Variants in CTNND2 observed in about 807,000 individuals in gnomAD.
CTNND2 encodes catenin delta-2.
CTNND2 carries 22 observed loss-of-function variants against 144.4 expected under a neutral mutation model. That is an observed-to-expected ratio of 0.15 (90% CI 0.11 to 0.22). The LOEUF (loss-of-function observed/expected upper bound fraction) is 0.22. CTNND2 is among the 10% of genes least tolerant of loss of function. The pLI, the probability that CTNND2 is intolerant of heterozygous loss-of-function variation, is 1.00. For missense variants in CTNND2, 1,353 were observed against 1,618.8 expected, an observed-to-expected ratio of 0.84 and a Z score of 2.82; for synonymous variants, 751 against 695.6, an observed-to-expected ratio of 1.08 and a Z score of -1.25.
intron 18 of CTNND2, among the ~76,000 whole-genome samples, chr5:10,996,457 C>G (rs1320884988): frequency 1.5e-5 from 1 of 66,110 alleles, no homozygotes; most frequent in African/African-American, 6.2e-5. Flanking sequence ...TGTTCCACCT[C>G]CAGGGTGGGA....
intron 6 of CTNND2, among the ~76,000 whole-genome samples, chr5:11,389,640 T>C (rs985831857): frequency 9.2e-5 from 14 of 152,178 alleles, no homozygotes; most frequent in African/African-American, 2.9e-4. Flanking sequence ...AATATGTACA[T>C]TATTCCAACA....
At chr5:10,985,972 GAT>G (rs1579952679) in intron 20 of CTNND2, among the ~76,000 whole-genome samples, 1 of 152,096 alleles carries the variant, frequency 6.6e-6, no homozygotes, top group Non-Finnish European at 1.5e-5. Flanking sequence ...TCATTGTTGT[GAT>G]AATAACAATC....
intron 1 of CTNND2, among the ~76,000 whole-genome samples, chr5:11,891,531 C>T (rs7449045): frequency 0.99 from 149,975 of 152,236 alleles, 73,917 homozygotes; most frequent in Middle Eastern, 1. Context: ...AAATGGGACC[C>T]CCGGAAGGTA....
At chr5:11,396,376 A>G (rs1240785295) in intron 6 of CTNND2, among the ~76,000 whole-genome samples, 2 of 147,114 alleles carry the variant, frequency 1.4e-5, no homozygotes, top group Non-Finnish European at 3.0e-5. Flanking sequence ...ATCTTTCTTG[A>G]AAAAAAAAAA....
chr5:11,283,706 A>AAAAG (rs1747419097), intron 9 of CTNND2, among the ~76,000 whole-genome samples: 1 of 124,674 alleles, frequency 8.0e-6, no homozygotes, highest in Non-Finnish European at 1.7e-5. Flanking sequence ...AAAAAAAAAA[A>AAAAG]GAGAGAGACA....
At chr5:11,736,390 G>A (rs951945963) in intron 1 of CTNND2, among the ~76,000 whole-genome samples, 5 of 152,238 alleles carry the variant, frequency 3.3e-5, no homozygotes, top group East Asian at 3.9e-4. Flanking sequence ...TTATTCCACC[G>A]TACAGAGCTA....
intron 6 of CTNND2, among the ~76,000 whole-genome samples, chr5:11,388,920 G>T (rs988767841): frequency 5.9e-5 from 9 of 152,150 alleles, no homozygotes; most frequent in Non-Finnish European, 1.3e-4. Flanking sequence ...TTCAAGTAAA[G>T]TTTCATTTTC....
intron 3 of CTNND2, among the ~76,000 whole-genome samples, chr5:11,549,646 A>T (rs1395611025): frequency 6.6e-6 from 1 of 152,166 alleles, no homozygotes; most frequent in Admixed American, 6.5e-5. Flanking sequence ...ATTCTTTTCT[A>T]GTACCAGGTT....
At chr5:11,895,443 T>G (rs1057313301) in intron 1 of CTNND2, among the ~76,000 whole-genome samples, 4 of 152,216 alleles carry the variant, frequency 2.6e-5, no homozygotes, top group African/African-American at 4.8e-5. Flanking sequence ...CCCTGTGTTA[T>G]GACACTTAGT....
chr5:11,199,487 G>A lies in CTNND2; in HGVS notation c.1936C>T (p.Arg646Cys), dbSNP rs767356376. ...CGGATCTCCAGGTCAGTCGTCTTGC[G>A]GAGTAACCTCACCAGTGCTGGGATG... The part of the protein sequence containing the change: ...GGIPALVRLL[R>C]KTTDLEIREL... The change falls in exon 11 of 22, where the codon CGC becomes TGC. Residue 646 changes from arginine to cysteine, a missense_variant. Physicochemically the swap from Arg to Cys is radical, Grantham distance 180. This residue lies in a region of CTNND2 where 117 missense variants were observed against 117.8 expected (regional missense o/e 0.99). Transcript: ENST00000304623. 14 of 1,614,006 alleles carry A rather than the reference G, an allele frequency of 8.7e-6. No individual in the cohort carries two copies. The highest frequency in any genetic ancestry group is 1.6e-4 in the Middle Eastern group (1 of 6,080).
intron 1 of CTNND2, among the ~76,000 whole-genome samples, chr5:11,831,657 A>G (rs1466305504): frequency 1.4e-5 from 2 of 145,684 alleles, no homozygotes; most frequent in Admixed American, 6.8e-5. Context: ...ACAGAGGGAG[A>G]CTCTGTATCA....
intron 9 of CTNND2, among the ~76,000 whole-genome samples, chr5:11,292,698 C>T (rs186328860): frequency 7.3e-4 from 111 of 152,280 alleles, no homozygotes; most frequent in African/African-American, 2.4e-3. Flanking sequence ...GTCCATTAAA[C>T]CTCTTTTCTT....
intron 16 of CTNND2, among the ~76,000 whole-genome samples, chr5:11,057,741 A>G (rs1272960012): frequency 6.6e-6 from 1 of 152,206 alleles, no homozygotes; most frequent in African/African-American, 2.4e-5. Flanking sequence ...TCAGAATAAG[A>G]TAGAAAAATA....
At chr5:11,553,858 T>C (rs1775985402) in intron 3 of CTNND2, among the ~76,000 whole-genome samples, 1 of 152,150 alleles carries the variant, frequency 6.6e-6, no homozygotes, top group African/African-American at 2.4e-5. Context: ...AAATTAGTTA[T>C]ATTGATTGTT....
At chr5:11,712,964 TA>T (rs1786119746) in intron 2 of CTNND2, among the ~76,000 whole-genome samples, 1 of 152,168 alleles carries the variant, frequency 6.6e-6, no homozygotes, top group African/African-American at 2.4e-5. Context: ...CATAGTATCC[TA>T]GGGGTCAGGC....
At chr5:11,859,663 G>A (rs946844032) in intron 1 of CTNND2, among the ~76,000 whole-genome samples, 3 of 152,086 alleles carry the variant, frequency 2.0e-5, no homozygotes, top group Non-Finnish European at 4.4e-5. Flanking sequence ...GTTCATCTAT[G>A]AGAGCCACCT....
At chr5:11,019,293 G>A (rs1697901) in intron 17 of CTNND2, among the ~76,000 whole-genome samples, 43,929 of 151,950 alleles carry the variant, frequency 0.29, 6,780 homozygotes, top group South Asian at 0.37. Flanking sequence ...TCATATAATC[G>A]ATGCTGAACA....
At chr5:11,292,751 G>T (rs138529991) in intron 9 of CTNND2, among the ~76,000 whole-genome samples, 1,817 of 152,196 alleles carry the variant, frequency 0.012, 33 homozygotes, top group African/African-American at 0.042. Context: ...AGCAGTGTGA[G>T]AACAGACTAA....
At chr5:11,881,543 T>C (rs1445200232) in intron 1 of CTNND2, among the ~76,000 whole-genome samples, 1 of 152,004 alleles carries the variant, frequency 6.6e-6, no homozygotes, top group Non-Finnish European at 1.5e-5. Flanking sequence ...TTTGTATTTC[T>C]ATGCCTGGCT....
Sources: gnomAD v4.1 joint callset for allele counts (sites outside exome capture counted in the v4.1 genomes callset) on GRCh38, gnomAD v4.1.1 for gene constraint, gnomAD v4.1.1 regional missense constraint, MANE v1.5 for transcripts, NCBI Gene and HGNC (gene_info 2026-07-23, HGNC 2026-07-21) for gene names.